Variants in GUCY1A2 observed in about 807,000 individuals in gnomAD.
GUCY1A2 encodes guanylate cyclase 1 soluble subunit alpha 2.
A neutral mutation model predicts 63.5 loss-of-function variants in GUCY1A2; 27 were observed. That is an observed-to-expected ratio of 0.43 (90% CI 0.31 to 0.59). The LOEUF is 0.59. Among genes scored for constraint, GUCY1A2 ranks in the 20% least tolerant of loss-of-function variants. The probability of loss-of-function intolerance (pLI) is 0.11; values close to 1 mark genes in which losing one functional copy is unlikely to be tolerated. For missense variants in GUCY1A2, 768 were observed against 913.3 expected (o/e 0.84, Z 2.05); for synonymous variants, 364 against 343.5 (o/e 1.06, Z -0.66).
intron 6 of GUCY1A2, among the ~76,000 whole-genome samples, chr11:106,726,509 A>G (rs1408913262): frequency 6.6e-6 from 1 of 152,172 alleles, no homozygotes; most frequent in African/African-American, 2.4e-5. Flanking sequence ...ACATTGGCAG[A>G]TTGTATTTCT....
At chr11:107,004,649 A>G (rs1861649671) in intron 1 of GUCY1A2, among the ~76,000 whole-genome samples, 1 of 152,218 alleles carries the variant, frequency 6.6e-6, no homozygotes. Context: ...ATAAATAGGT[A>G]AACTAGTAAA....
Position 106,988,715 on chromosome 11 carries a change from TA to T in GUCY1A2, c.304-2585del, listed in dbSNP as rs1346687940. 2.0e-5 allele frequency among the ~76,000 whole-genome samples: 3 copies of T among 152,198 alleles called. No homozygotes were observed. The East Asian group carries it at 5.8e-4, about 29-fold the overall frequency. ...CTTGCCAAAGTGGGCAGGCACATTC[TA>T]ATAGCCTAAACCACAAGCATAGAGG... On this transcript the variant is annotated intron_variant, in intron 1 of 7. Coordinates refer to ENST00000526355, the MANE Select transcript of GUCY1A2 (RefSeq NM_000855.3).
chr11:106,927,335 T>C (rs930906299), intron 4 of GUCY1A2, among the ~76,000 whole-genome samples: 1 of 151,218 alleles, frequency 6.6e-6, no homozygotes, highest in Non-Finnish European at 1.5e-5. Context: ...ATCGCGCTAC[T>C]GCACTCCAGC....
At chr11:106,822,708 C>T (rs1463834395) in intron 4 of GUCY1A2, among the ~76,000 whole-genome samples, 1 of 152,118 alleles carries the variant, frequency 6.6e-6, no homozygotes, top group East Asian at 1.9e-4. Context: ...GAGGTTTGGT[C>T]TCAAAAAGTC....
At chr11:106,838,484 T>G (rs945163416) in intron 4 of GUCY1A2, among the ~76,000 whole-genome samples, 1 of 151,942 alleles carries the variant, frequency 6.6e-6, no homozygotes, top group Non-Finnish European at 1.5e-5. Context: ...ATTCATAAAT[T>G]TATTCATATC....
chr11:106,734,764 A>T (rs1863560810), intron 6 of GUCY1A2, among the ~76,000 whole-genome samples: 1 of 152,154 alleles, frequency 6.6e-6, no homozygotes, highest in East Asian at 1.9e-4. Flanking sequence ...GACATCAAGA[A>T]TATTTCTTAA....
chr11:107,001,954 G>A (rs1177407276), intron 1 of GUCY1A2, among the ~76,000 whole-genome samples: 1 of 151,852 alleles, frequency 6.6e-6, no homozygotes, highest in Admixed American at 6.6e-5. Flanking sequence ...GGGAGGCAGA[G>A]GTTGCAATGA....
intron 4 of GUCY1A2, among the ~76,000 whole-genome samples, chr11:106,818,426 T>C (rs116917791): frequency 6.6e-6 from 1 of 152,278 alleles, no homozygotes; most frequent in East Asian, 1.9e-4. Flanking sequence ...GACAGTGAAC[T>C]TAATCAGTCA....
At chr11:106,812,209 A>G (rs4277082) in intron 4 of GUCY1A2, among the ~76,000 whole-genome samples, 32,858 of 151,772 alleles carry the variant, frequency 0.22, 3,642 homozygotes, top group Middle Eastern at 0.31. Context: ...AAGCGCAAAA[A>G]CCTTGATAAG....
chr11:106,953,673 G>A (rs1860942467), intron 3 of GUCY1A2, among the ~76,000 whole-genome samples: 1 of 151,934 alleles, frequency 6.6e-6, no homozygotes, highest in African/African-American at 2.4e-5. Context: ...TGGTTGGTAG[G>A]CTATTAATTA....
chr11:106,964,846 G>A (rs975327743), intron 3 of GUCY1A2, among the ~76,000 whole-genome samples: 1 of 152,116 alleles, frequency 6.6e-6, no homozygotes, highest in Non-Finnish European at 1.5e-5. Flanking sequence ...TGGGCGTGGT[G>A]GCGGGCACCT....
At chr11:106,960,590 G>A (rs1861046164) in intron 3 of GUCY1A2, among the ~76,000 whole-genome samples, 1 of 152,132 alleles carries the variant, frequency 6.6e-6, no homozygotes. Context: ...GCATATTCAG[G>A]TTCCTTTACA....
intron 4 of GUCY1A2, among the ~76,000 whole-genome samples, chr11:106,892,642 C>CA (rs34669794): frequency 0.095 from 14,490 of 151,884 alleles, 736 homozygotes; most frequent in Middle Eastern, 0.13. Flanking sequence ...AAGAATGTTC[C>CA]AAAAAATAGT....
In GUCY1A2 at chr11:106,677,204, G is replaced by T. The variant is rs1862361547; in HGVS notation, c.*10345C>A. 3 of 222,250 alleles carry T rather than the reference G, an allele frequency of 1.3e-5. No individual in the cohort carries two copies. Among genetic ancestry groups the T allele is most frequent in the Non-Finnish European group, 1.8e-5 (2 of 110,536 alleles). The allele number at this position is 222,250 out of a possible 1,614,324, so 13.8% of individuals were successfully genotyped here. On this transcript the variant is annotated 3_prime_UTR_variant, in exon 8 of 8. Coordinates refer to ENST00000526355, the MANE Select transcript of GUCY1A2 (RefSeq NM_000855.3). Reference sequence around the variant, plus strand: ...AAGGAAAGGAAGGAAAGGAAGGAAGGAAGGAAGATAGGAAGATAATTCAAT... The same window carrying T: ...AAGGAAAGGAAGGAAAGGAAGGAAGTAAGGAAGATAGGAAGATAATTCAAT...
intron 1 of GUCY1A2, among the ~76,000 whole-genome samples, chr11:107,016,658 G>C (rs531050249): frequency 6.6e-6 from 1 of 152,308 alleles, no homozygotes; most frequent in Non-Finnish European, 1.5e-5. Context: ...GAGAGAGAAA[G>C]CACTAGAGAA....
At chr11:106,950,575 C>T (rs1860892444) in intron 3 of GUCY1A2, among the ~76,000 whole-genome samples, 1 of 152,132 alleles carries the variant, frequency 6.6e-6, no homozygotes, top group Non-Finnish European at 1.5e-5. Flanking sequence ...CAGTCTCTTA[C>T]CCGCTGGTGA....
At chr11:106,849,128 C>T (rs562192503) in intron 4 of GUCY1A2, among the ~76,000 whole-genome samples, 7 of 151,542 alleles carry the variant, frequency 4.6e-5, no homozygotes, top group African/African-American at 1.7e-4. Flanking sequence ...CTATAATTTT[C>T]TGGATTACTG....
intron 6 of GUCY1A2, among the ~76,000 whole-genome samples, chr11:106,711,920 A>G (rs909852315): frequency 6.6e-6 from 1 of 151,806 alleles, no homozygotes; most frequent in Non-Finnish European, 1.5e-5. Flanking sequence ...TCTTTATCTT[A>G]ATTCTTCTAT....
chr11:106,810,435 T>G lies in GUCY1A2; in HGVS notation c.1250A>C (p.Asn417Thr). 1 of 1,611,312 alleles carries G rather than the reference T, an allele frequency of 6.2e-7. No individual in the cohort carries two copies. The highest frequency in any genetic ancestry group is 1.1e-5 in the South Asian group (1 of 90,884). ...KGQMIHVPES[N>T]SILFLGSPCV... ...TGGAGAGCCCAAAAATAAAATGGAATTTGATTCTGGAACATGGATCATTTG... is the reference window on the plus strand; with the variant it reads ...TGGAGAGCCCAAAAATAAAATGGAAGTTGATTCTGGAACATGGATCATTTG... The change falls in exon 5 of 8, where the codon AAT becomes ACT. Residue 417 changes from asparagine (N) to threonine (T), a missense_variant. Coordinates refer to ENST00000526355, the MANE Select transcript of GUCY1A2 (RefSeq NM_000855.3).
Sources: gnomAD v4.1 joint callset for allele counts (sites outside exome capture counted in the v4.1 genomes callset) on GRCh38, gnomAD v4.1.1 for gene constraint, MANE v1.5 for transcripts, NCBI Gene and HGNC (gene_info 2026-07-23, HGNC 2026-07-21) for gene names.